Variants in CLPTM1L observed in about 807,000 individuals in gnomAD.
The protein encoded by CLPTM1L is CLPTM1 like.
Under a neutral mutation model 70.9 loss-of-function variants are expected in CLPTM1L, and 38 were observed. The ratio of observed to expected loss-of-function variants is 0.54; its 90% CI spans 0.41 to 0.70. The LOEUF is 0.70. Among genes scored for constraint, CLPTM1L ranks in the 30% least tolerant of loss-of-function variants. The pLI is 0.00. For missense variants in CLPTM1L, 652 were observed against 705.9 expected, an observed-to-expected ratio of 0.92 and a Z score of 0.87; for synonymous variants, 339 against 299.9, an observed-to-expected ratio of 1.13 and a Z score of -1.35.
At chr5:1,332,894 G>A (rs541032945) in intron 7 of CLPTM1L, among the ~76,000 whole-genome samples, 20 of 152,206 alleles carry the variant, frequency 1.3e-4, no homozygotes, top group Non-Finnish European at 2.8e-4. Context: ...CACCCCCTGA[G>A]GATGAGGGAC....
intron 6 of CLPTM1L, among the ~76,000 whole-genome samples, chr5:1,334,679 G>A (rs1013534556): frequency 2.0e-5 from 3 of 152,030 alleles, no homozygotes; most frequent in African/African-American, 4.8e-5. Flanking sequence ...GCTTGAATCC[G>A]GGGGGCGGAG....
chr5:1,333,023 C>A (rs1406604577), intron 7 of CLPTM1L, among the ~76,000 whole-genome samples: 2 of 109,670 alleles, frequency 1.8e-5, no homozygotes, highest in African/African-American at 7.0e-5. Context: ...TGTAGACACA[C>A]CGGATAAGGG....
chr5:1,335,241 C>A, intron 5 of CLPTM1L, 67 bp from the exon 6 acceptor site: 3 of 1,301,244 alleles, frequency 2.3e-6, no homozygotes, highest in Non-Finnish European at 3.3e-6. Context: ...TGGCAGCCCT[C>A]GCCAACCCTG....
Position 1,321,473 on chromosome 5 carries a change from C to T in CLPTM1L, c.1416+162G>A, listed in dbSNP as rs138050296. Reference sequence around the variant, plus strand: ...GGTCTGAAGTTACTCTATAGCTCTTCGCTTTTTTTTTTAAAGGAGCCTCCT... The same window carrying T: ...GGTCTGAAGTTACTCTATAGCTCTTTGCTTTTTTTTTTAAAGGAGCCTCCT... On this transcript the variant is annotated intron_variant, in intron 15 of 16. Transcript: ENST00000320895. Among the ~76,000 whole-genome samples the T allele has an allele frequency of 1.8e-4, 27 of 152,230 alleles. No individual in the cohort carries two copies. The East Asian group carries it at 3.9e-3, about 22-fold the overall frequency.
At chr5:1,332,953 CTGGATGAGAA>C (rs1753207373) in intron 7 of CLPTM1L, among the ~76,000 whole-genome samples, 1 of 151,222 alleles carries the variant, frequency 6.6e-6, no homozygotes, top group African/African-American at 2.4e-5. Context: ...TGTATATACA[CTGGATGAGAA>C]CAAGGGGGGA....
chr5:1,324,395 C>T (rs76659287), intron 11 of CLPTM1L, among the ~76,000 whole-genome samples: 182 of 152,380 alleles, frequency 1.2e-3, no homozygotes, highest in Non-Finnish European at 2.3e-3. Flanking sequence ...GCCATTCCTC[C>T]AGGCCACTGT....
intron 1 of CLPTM1L, 25 bp downstream of exon 1, chr5:1,344,655 G>GGC: frequency 6.5e-7 from 1 of 1,542,928 alleles, no homozygotes; most frequent in Admixed American, 2.0e-5. Flanking sequence ...CAACCCGCCC[G>GGC]GCCCCCGGCC....
chr5:1,322,784 G>A (rs139998754), intron 13 of CLPTM1L, 93 bp downstream of exon 13: 6 of 1,317,320 alleles, frequency 4.6e-6, no homozygotes, highest in Non-Finnish European at 6.6e-6. Flanking sequence ...CAAATCACAG[G>A]GGGGCTTGCC....
intron 9 of CLPTM1L, among the ~76,000 whole-genome samples, chr5:1,329,300 C>G (rs1040985504): frequency 2.6e-5 from 4 of 152,288 alleles, no homozygotes; most frequent in Non-Finnish European, 5.9e-5. Context: ...GGCCGCTGTG[C>G]TCAGATCTCC....
intron 5 of CLPTM1L, 68 bp from the exon 6 acceptor site, chr5:1,335,242 G>A (rs1164238196): frequency 1.7e-4 from 206 of 1,225,122 alleles, no homozygotes; most frequent in Non-Finnish European, 1.1e-4. Context: ...GGCAGCCCTC[G>A]CCAACCCTGC....
At chr5:1,326,522 TCTAC>T (rs1752561030) in intron 9 of CLPTM1L, 1 of 255,542 alleles carries the variant, frequency 3.9e-6, no homozygotes, top group Admixed American at 5.7e-5. Context: ...CAGCTCCTCC[TCTAC>T]CGACACATTT....
intron 7 of CLPTM1L, among the ~76,000 whole-genome samples, 185 bp downstream of exon 7, chr5:1,334,104 A>T (rs904781608): frequency 1.3e-5 from 2 of 152,136 alleles, no homozygotes; most frequent in Non-Finnish European, 2.9e-5. Context: ...ACTGGGAGAA[A>T]CCGCCCACTG....
At chr5:1,344,501 C>A (rs939696998) in intron 1 of CLPTM1L, 50 bp from the exon 2 acceptor site, 3 of 1,551,332 alleles carry the variant, frequency 1.9e-6, no homozygotes, top group African/African-American at 2.7e-5. Flanking sequence ...CCTGGCAGGA[C>A]GCACTCAAAT....
chr5:1,338,759 A>G (rs1321334653), intron 4 of CLPTM1L, 101 bp downstream of exon 4: 4 of 1,409,376 alleles, frequency 2.8e-6, no homozygotes, highest in African/African-American at 1.4e-5. Flanking sequence ...GCCTCCCCAC[A>G]GAGGGGACTC....
At chr5:1,321,254 C>A (rs1045698363) in intron 15 of CLPTM1L, among the ~76,000 whole-genome samples, 3 of 152,276 alleles carry the variant, frequency 2.0e-5, no homozygotes, top group African/African-American at 7.2e-5. Context: ...ACAGCTCTGC[C>A]AGCGGGGAAT....
chr5:1,328,572 A>C (rs1463886452), intron 9 of CLPTM1L, among the ~76,000 whole-genome samples: 1 of 150,982 alleles, frequency 6.6e-6, no homozygotes, highest in African/African-American at 2.5e-5. Flanking sequence ...CATTTCATCC[A>C]GCTCCTCCTC....
At chr5:1,325,848 A>G in intron 9 of CLPTM1L, 32 bp from the exon 10 acceptor site, 1 of 1,600,984 alleles carries the variant, frequency 6.2e-7, no homozygotes, top group Middle Eastern at 1.7e-4. Flanking sequence ...TAGTTCCTTT[A>G]ATATTCGAAG....
chr5:1,339,441 C>T (rs1219680921), intron 3 of CLPTM1L, among the ~76,000 whole-genome samples: 2 of 132,070 alleles, frequency 1.5e-5, no homozygotes, highest in Non-Finnish European at 3.2e-5. Context: ...AAACTGTGCC[C>T]GGGACAGCAG....
At chr5:1,341,996 G>A (rs893685365) in intron 2 of CLPTM1L, 136 bp from the exon 3 acceptor site, 5 of 668,278 alleles carry the variant, frequency 7.5e-6, no homozygotes, top group African/African-American at 1.8e-5. Context: ...CACCTGCCCA[G>A]GGCTTTACGA....
Sources: gnomAD v4.1 joint callset for allele counts (sites outside exome capture counted in the v4.1 genomes callset) on GRCh38, gnomAD v4.1.1 for gene constraint, MANE v1.5 for transcripts, NCBI Gene and HGNC (gene_info 2026-07-23, HGNC 2026-07-21) for gene names.